FLYWCH1: variants seen among roughly 807,000 people sequenced by gnomAD.
The protein encoded by FLYWCH1 is FLYWCH-type zinc finger 1, also known as FLYWCH-type zinc finger-containing protein 1.
In FLYWCH1, 75 loss-of-function variants were observed where a neutral mutation model predicts 66.4. That is an observed-to-expected ratio of 1.13 (90% CI 0.94 to 1.37). The LOEUF (loss-of-function observed/expected upper bound fraction) is 1.37. FLYWCH1 is among the 40% of genes most tolerant of loss of function. The pLI is 0.00. For synonymous variants in FLYWCH1, 595 were observed against 429.9 expected (o/e 1.38, Z -4.75); for missense variants, 1,334 against 1,001.8 (o/e 1.33, Z -4.48).
At chr16:2,933,624 T>G in intron 5 of FLYWCH1, 42 bp downstream of exon 5, 1 of 1,563,658 alleles carries the variant, frequency 6.4e-7, no homozygotes, top group Non-Finnish European at 8.7e-7. Flanking sequence ...CTGCCTTGAC[T>G]CTTGCCTCCA....
chr16:2,944,823 A>G (rs1043476849), intron 9 of FLYWCH1, among the ~76,000 whole-genome samples: 3 of 139,036 alleles, frequency 2.2e-5, no homozygotes, highest in Non-Finnish European at 4.9e-5. Flanking sequence ...CTCTGTATCA[A>G]AAAAAAAAAA....
intron 9 of FLYWCH1, among the ~76,000 whole-genome samples, 164 bp from the exon 10 acceptor site, chr16:2,948,524 C>G (rs1030705525): frequency 9.9e-5 from 15 of 152,174 alleles, no homozygotes; most frequent in African/African-American, 3.6e-4. Context: ...GATCGCACCA[C>G]TGCACTCCAG....
intron 8 of FLYWCH1, 199 bp from the exon 9 acceptor site, chr16:2,939,833 G>T: frequency 2.0e-6 from 1 of 491,826 alleles, no homozygotes; most frequent in Non-Finnish European, 3.5e-6. Context: ...GACAGCAGCT[G>T]AAGGTCAACT....
chr16:2,932,647 C>G (rs1024295482), intron 4 of FLYWCH1, among the ~76,000 whole-genome samples: 6 of 152,122 alleles, frequency 3.9e-5, no homozygotes, highest in Non-Finnish European at 7.4e-5. Context: ...TCACTGTGAT[C>G]TTTTCGAACC....
At chr16:2,926,007 A>G (rs1331493772) in intron 2 of FLYWCH1, among the ~76,000 whole-genome samples, 2 of 152,090 alleles carry the variant, frequency 1.3e-5, no homozygotes, top group African/African-American at 4.8e-5. Flanking sequence ...GAGAGGTGGG[A>G]AAGACCCCAC....
chr16:2,951,064 C>T lies in FLYWCH1; in HGVS notation c.*2337C>T, dbSNP rs886558816. ...CAGCTCAGCGGGGCAGCTCCTGCTTCCAGCCCTGCCTCTGCTGGTGCTTCG... is the reference window on the plus strand; with the variant it reads ...CAGCTCAGCGGGGCAGCTCCTGCTTTCAGCCCTGCCTCTGCTGGTGCTTCG... On this transcript the variant is annotated 3_prime_UTR_variant, in exon 10 of 10. Coordinates refer to ENST00000253928, the MANE Select transcript of FLYWCH1 (RefSeq NM_001308068.2). 2.0e-5 allele frequency: 3 copies of T among 152,344 alleles called. No homozygotes were observed. The highest frequency in any genetic ancestry group is 7.2e-5 in the African/African-American group (3 of 41,480). The allele number at this position is 152,344 out of a possible 1,614,324, so 9.4% of individuals were successfully genotyped here.
chr16:2,942,103 T>G (rs1451551525), intron 9 of FLYWCH1, among the ~76,000 whole-genome samples: 1 of 151,002 alleles, frequency 6.6e-6, no homozygotes, highest in Non-Finnish European at 1.5e-5. Flanking sequence ...TTGACAAATA[T>G]TTAGCTCTAT....
Position 2,938,333 on chromosome 16 carries a change from G to A in FLYWCH1, c.1927G>A (p.Ala643Thr), listed in dbSNP as rs201029011. Residue 643 changes from alanine to threonine, a missense_variant, in exon 8 of 10, where the codon GCC (alanine) becomes ACC (threonine). By Grantham distance (58) the Ala-to-Thr change is moderately conservative. Coordinates refer to ENST00000253928, the MANE Select transcript of FLYWCH1 (RefSeq NM_001308068.2). Reference protein sequence around the residue: ...DQARLGCRSRAITQGHRIMVM... With the variant: ...DQARLGCRSRTITQGHRIMVM... ...GGCTCGGCTGGGCTGCCGCAGCCGCGCCATAACCCAGGGCCACCGCATCAT... is the reference window on the plus strand; with the variant it reads ...GGCTCGGCTGGGCTGCCGCAGCCGCACCATAACCCAGGGCCACCGCATCAT... 1.4e-3 allele frequency: 2,254 copies of A among 1,606,412 alleles called. 4 individuals carry two copies. Among genetic ancestry groups the A allele is most frequent in the Non-Finnish European group, 1.7e-3 (1,993 of 1,176,276 alleles).
intron 2 of FLYWCH1, among the ~76,000 whole-genome samples, chr16:2,925,355 C>T (rs1326786205): frequency 6.6e-6 from 1 of 152,096 alleles, no homozygotes; most frequent in Non-Finnish European, 1.5e-5. Flanking sequence ...CCCATACATC[C>T]CGGTTCATGC....
chr16:2,940,117 T>C (rs3898416), intron 9 of FLYWCH1, 25 bp downstream of exon 9: 1 of 1,043,478 alleles, frequency 9.6e-7, no homozygotes, highest in Admixed American at 1.7e-5. Context: ...TATCTAATGG[T>C]GCATGACCAA....
At chr16:2,938,618 T>TG (rs1567347447) in intron 8 of FLYWCH1, among the ~76,000 whole-genome samples, 162 bp downstream of exon 8, 4 of 113,066 alleles carry the variant, frequency 3.5e-5, no homozygotes, top group Admixed American at 8.9e-5. Context: ...TTTTTTTTTT[T>TG]TTTTTTTTTT....
intron 2 of FLYWCH1, among the ~76,000 whole-genome samples, chr16:2,916,280 C>A (rs992352396): frequency 2.0e-5 from 3 of 152,158 alleles, no homozygotes; most frequent in Non-Finnish European, 4.4e-5. Flanking sequence ...GCAGAAGTTG[C>A]AGTGAGCTGA....
At chr16:2,921,578 C>T (rs922089966) in intron 2 of FLYWCH1, among the ~76,000 whole-genome samples, 4 of 152,006 alleles carry the variant, frequency 2.6e-5, no homozygotes, top group African/African-American at 9.7e-5. Context: ...GCTGGGCAAC[C>T]TGGCAAAACC....
rs769201421 is a variant in FLYWCH1 at position 2,933,233 on chromosome 16, G to A, written c.900G>A (p.Val300=). Residue 300 remains valine, a synonymous_variant, in exon 5 of 10, where the codon GTG becomes GTA. Coordinates refer to ENST00000253928, the MANE Select transcript of FLYWCH1 (RefSeq NM_001308068.2). ...YKREKAVGDK[V]YWTCRDHALH... is the part of the protein sequence containing the mutation. ...GGGAGAAGGCTGTCGGGGACAAGGT[G>A]TATTGGACCTGCCGGGACCACGCGC... 8 of 1,613,574 alleles carry A rather than the reference G, an allele frequency of 5.0e-6. No individual in the cohort carries two copies. Among genetic ancestry groups the A allele is most frequent in the Middle Eastern group, 3.3e-4 (2 of 6,062 alleles).
In FLYWCH1 at chr16:2,933,991, T is replaced by G. The variant is rs1456299170; in HGVS notation, c.1513+12T>G. The G allele has an allele frequency of 1.3e-6, 2 of 1,512,166 alleles. No individual in the cohort carries two copies. The highest frequency in any genetic ancestry group is 1.8e-6 in the Non-Finnish European group (2 of 1,128,246). 93.7% of individuals were successfully genotyped at this position (1,512,166 alleles called of 1,614,324 possible). On this transcript the variant is annotated intron_variant, in intron 6 of 9. Transcript: ENST00000253928. ...GCGGGGGAGCCCAGGTACCTGGGGG[T>G]GGGCTGGGAGCTGGGCCCCAGGAAG...
rs113347854 is a variant in FLYWCH1, at chr16:2,921,936, G to A, written c.-74+7647G>A. ...AAATTTGCTAGGTGTGGTGGCGCGC[G>A]CCTGTAGTCCCAGCTACTCAGGAGG... On this transcript the variant is annotated intron_variant, in intron 2 of 9. Coordinates refer to ENST00000253928, the MANE Select transcript of FLYWCH1 (RefSeq NM_001308068.2). Among the ~76,000 whole-genome samples, 1,044 of 152,088 alleles carry A rather than the reference G, an allele frequency of 6.9e-3. 18 individuals carry two copies. Among genetic ancestry groups the A allele is most frequent in the African/African-American group, 0.024 (985 of 41,474 alleles).
rs769973889 is a variant in FLYWCH1, at chr16:2,929,911, C to G, written c.226C>G (p.Leu76Val). The G allele has an allele frequency of 1.2e-6, 2 of 1,613,754 alleles. No individual in the cohort carries two copies. The highest frequency in any genetic ancestry group is 2.2e-5 in the East Asian group (1 of 44,868). ...LSLEMAGPAT[L>V]ASTLQILPVE... ...CCTGGAGATGGCTGGCCCCGCCACC[C>G]TCGCCAGCACCTTGCAGATCCTGCC... The change falls in exon 3 of 10, where the codon CTC becomes GTC. Residue 76 changes from leucine (L) to valine (V), a missense_variant. Transcript: ENST00000253928.
chr16:2,939,539 T>TGGCCAACATGGTGAAACCTG, intron 8 of FLYWCH1, among the ~76,000 whole-genome samples: 4 of 82,612 alleles, frequency 4.8e-5, no homozygotes, highest in South Asian at 3.1e-4. Context: ...GGTGAAACCC[T>TGGCCAACATGGTGAAACCTG]GTCTCTAAAA....
At chr16:2,934,533 G>A (rs1471783742) in intron 6 of FLYWCH1, 20 of 416,146 alleles carry the variant, frequency 4.8e-5, no homozygotes, top group Non-Finnish European at 8.1e-5. Context: ...CCACAGTTGC[G>A]TAAATGTCCC....
Sources: gnomAD v4.1 joint callset for allele counts (sites outside exome capture counted in the v4.1 genomes callset) on GRCh38, gnomAD v4.1.1 for gene constraint, MANE v1.5 for transcripts, NCBI Gene and HGNC (gene_info 2026-07-23, HGNC 2026-07-21) for gene names.